OXNAD1: variants seen among roughly 807,000 people sequenced by gnomAD.
The protein encoded by OXNAD1 is oxidoreductase NAD binding domain containing 1, also known as oxidoreductase NAD-binding domain-containing protein 1.
Under a neutral mutation model 32.9 loss-of-function variants are expected in OXNAD1, and 34 were observed. The observed-to-expected ratio is 1.03, with a 90% CI of 0.79 to 1.38. The LOEUF (loss-of-function observed/expected upper bound fraction) is 1.38, where lower values mean the gene tolerates loss of function less well. Ranked by LOEUF, OXNAD1 falls within the 40% of genes most tolerant of loss-of-function variation. The pLI, the probability that OXNAD1 is intolerant of heterozygous loss-of-function variation, is 0.00. For missense variants in OXNAD1, 407 were observed against 379.4 expected, an observed-to-expected ratio of 1.07 and a Z score of -0.60; for synonymous variants, 134 against 135.2, an observed-to-expected ratio of 0.99 and a Z score of 0.06.
chr3:16,271,523 C>T lies in OXNAD1; in HGVS notation c.120-136C>T. The T allele has an allele frequency of 2.8e-6, 2 of 717,142 alleles. No homozygotes were observed. The highest frequency in any genetic ancestry group is 4.3e-6 in the Non-Finnish European group (2 of 464,942). 44.4% of individuals were successfully genotyped at this position (717,142 alleles called of 1,614,324 possible). Reference sequence around the variant, plus strand: ...CCGGCCAAAACTTTAGTTAGACGGGCAGATACTCACTGGCCATTTTATAGG... The same window carrying T: ...CCGGCCAAAACTTTAGTTAGACGGGTAGATACTCACTGGCCATTTTATAGG... On this transcript the variant is annotated intron_variant, in intron 3 of 8. Coordinates refer to ENST00000285083, the MANE Select transcript of OXNAD1 (RefSeq NM_138381.5). The surrounding 1 kb of genome is among the most constrained non-coding windows in gnomAD (Gnocchi z 4.6).
At chr3:16,296,776 CAAAAAACA>C (rs1170157434) in intron 6 of OXNAD1, among the ~76,000 whole-genome samples, 1 of 151,680 alleles carries the variant, frequency 6.6e-6, no homozygotes, top group Admixed American at 6.6e-5. Flanking sequence ...CATCTAGATG[CAAAAAACA>C]AAAAAACGAA....
At chr3:16,340,235 A>C (rs1481882667), downstream of OXNAD1, among the ~76,000 whole-genome samples, 1 of 152,244 alleles carries the variant, frequency 6.6e-6, no homozygotes, top group Non-Finnish European at 1.5e-5. Flanking sequence ...TTCTTTGGCC[A>C]ATAGTACATT....
At chr3:16,333,749 T>G (rs1472656732) in intron 9 of OXNAD1, among the ~76,000 whole-genome samples, 1 of 151,758 alleles carries the variant, frequency 6.6e-6, no homozygotes, top group African/African-American at 2.4e-5. Flanking sequence ...TTGTAAAAAT[T>G]GAAAAGAAAA....
chr3:16,341,237 A>T (rs769975650), downstream of OXNAD1, among the ~76,000 whole-genome samples: 5 of 152,254 alleles, frequency 3.3e-5, no homozygotes, highest in Non-Finnish European at 5.9e-5. The surrounding 1 kb of genome is among the most constrained non-coding windows in gnomAD (Gnocchi z 4.7). Flanking sequence ...ACTACAGAAG[A>T]CAGTTTGGCA....
intron 2 of OXNAD1, among the ~76,000 whole-genome samples, chr3:16,270,176 ATT>A (rs1037262403): frequency 6.6e-6 from 1 of 152,256 alleles, no homozygotes; most frequent in African/African-American, 2.4e-5. Context: ...AAGAAGCAAC[ATT>A]GTCACTACCA....
intron 1 of OXNAD1, 138 bp from the exon 2 acceptor site, chr3:16,268,988 G>A (rs936453751): frequency 1.8e-6 from 1 of 566,992 alleles, no homozygotes. Flanking sequence ...AATGGATGGA[G>A]AGGGGGTAAT....
chr3:16,311,011 A>AAAAAAAAAAG (rs1472119686), downstream of OXNAD1, among the ~76,000 whole-genome samples: 33 of 136,186 alleles, frequency 2.4e-4, 2 homozygotes, highest in African/African-American at 9.0e-4. Flanking sequence ...AAAAAAAAAA[A>AAAAAAAAAAG]AAATCATCTG....
rs190370355 is a variant in OXNAD1 at position 16,287,526 on chromosome 3, A to G, written c.290+1078A>G. Among the ~76,000 whole-genome samples, 3 of 152,372 alleles carry G rather than the reference A, an allele frequency of 2.0e-5. No homozygotes were observed. Among genetic ancestry groups the G allele is most frequent in the South Asian group, 2.1e-4 (1 of 4,830 alleles). On this transcript the variant is annotated intron_variant, in intron 5 of 8. Transcript: ENST00000285083. The surrounding 1 kb of genome is among the most constrained non-coding windows in gnomAD (Gnocchi z 4.8). ...GGGCGGGCAACATATTTACCCTTCA[A>G]AAATGGTTTAGCAGTCATTATATTG...
At position 16,271,093 on chromosome 3, in the gene OXNAD1, G is replaced by A; in HGVS notation, c.119+22G>A. 6.2e-7 allele frequency: 1 copy of A among 1,610,202 alleles called. No individual in the cohort carries two copies. The highest frequency in any genetic ancestry group is 1.7e-4 in the Middle Eastern group (1 of 6,042). On this transcript the variant is annotated intron_variant, in intron 3 of 8. Coordinates refer to ENST00000285083, the MANE Select transcript of OXNAD1 (RefSeq NM_138381.5). This position sits in a 1 kb window ranked among gnomAD's most constrained non-coding sequence, Gnocchi z 4.6. The stretch of plus-strand genomic sequence containing the variant: ...CCAGGTGAGTCATTAAGACTTCTGT[G>A]TCATTTGAAGTTAATTTTCAAAGAG...
At chr3:16,307,912 TCTG>T (rs1271682176), downstream of OXNAD1, among the ~76,000 whole-genome samples, 1 of 152,180 alleles carries the variant, frequency 6.6e-6, no homozygotes, top group Non-Finnish European at 1.5e-5. Context: ...CACAGTTTGT[TCTG>T]TTTTTTTAAG....
At chr3:16,330,326 A>C (rs1297062067) in intron 9 of OXNAD1, among the ~76,000 whole-genome samples, 1 of 152,264 alleles carries the variant, frequency 6.6e-6, no homozygotes, top group Non-Finnish European at 1.5e-5. Flanking sequence ...GTAAGCATCT[A>C]TCACAGCCCG....
rs79586254 is a variant in OXNAD1 at position 16,289,212 on chromosome 3, C to T, written c.290+2764C>T. ...GTTAGATCATATGTGCTGATAAGGC[C>T]CAGGGGACAGATTCCAATTCTTATC... is the stretch of plus-strand genomic sequence containing the variant. On this transcript the variant is annotated intron_variant, in intron 5 of 8. Coordinates refer to ENST00000285083, the MANE Select transcript of OXNAD1 (RefSeq NM_138381.5). The surrounding 1 kb of genome is among the most constrained non-coding windows in gnomAD (Gnocchi z 4.9). 0.015 allele frequency among the ~76,000 whole-genome samples: 2,262 copies of T among 152,120 alleles called. 61 individuals are homozygous for T. The highest frequency in any genetic ancestry group is 0.052 in the African/African-American group (2,151 of 41,490).
chr3:16,341,861 C>T, downstream of OXNAD1, among the ~76,000 whole-genome samples: 1 of 152,078 alleles, frequency 6.6e-6, no homozygotes, highest in Non-Finnish European at 1.5e-5. The surrounding 1 kb of genome is among the most constrained non-coding windows in gnomAD (Gnocchi z 4.7). Flanking sequence ...GAGTATGATA[C>T]CATTTTTGTA....
rs1194748040 is a variant in OXNAD1 at position 16,303,489 on chromosome 3, C to T, written c.866C>T (p.Thr289Ile). Reference sequence around the variant, plus strand: ...TATATTTGTGGCCCACCTCCAATGACAGACTTTTTCTCCAAGCAACTGGAA... The same window carrying T: ...TATATTTGTGGCCCACCTCCAATGATAGACTTTTTCTCCAAGCAACTGGAA... ...LFYICGPPPM[T>I]DFFSKQLENN... Residue 289 changes from threonine (T) to isoleucine (I), a missense_variant, in exon 9 of 9, where the codon ACA becomes ATA. Physicochemically the swap from Thr to Ile is moderately conservative, Grantham distance 89. Transcript: ENST00000285083. The surrounding 1 kb of genome is among the most constrained non-coding windows in gnomAD (Gnocchi z 4.8). 1.9e-6 allele frequency: 3 copies of T among 1,613,930 alleles called. No homozygotes were observed. Among genetic ancestry groups the T allele is most frequent in the East Asian group, 2.2e-5 (1 of 44,878 alleles).
In OXNAD1 at chr3:16,302,799, C is replaced by A; in HGVS notation, c.784+51C>A. ...TATCTCCATGCAGTTATTTGATGGA[C>A]ACACCAGTTGGTTGAGCGTAGATGC... On this transcript the variant is annotated intron_variant, in intron 8 of 8. Transcript: ENST00000285083. This position sits in a 1 kb window ranked among gnomAD's most constrained non-coding sequence, Gnocchi z 4.2. 1 of 1,368,642 alleles carries A rather than the reference C, an allele frequency of 7.3e-7. No individual in the cohort carries two copies. The highest frequency in any genetic ancestry group is 1.0e-6 in the Non-Finnish European group (1 of 967,362). 84.8% of individuals were successfully genotyped at this position (1,368,642 alleles called of 1,614,324 possible). A position where few individuals can be genotyped will look rare whatever the true frequency, so the allele number is the denominator to read the frequency against.
In OXNAD1 at chr3:16,346,911, C is replaced by T. The variant is rs1389426331; in HGVS notation, c.*31-2265C>T. Reference sequence around the variant, plus strand: ...TGGCATCTTTAAGCTGTTGACAAAGCTGACTCTGCAACCTCCCCACCTTGC... The same window carrying T: ...TGGCATCTTTAAGCTGTTGACAAAGTTGACTCTGCAACCTCCCCACCTTGC... On this transcript the variant is annotated intron_variant, in intron 9 of 9. Transcript: ENST00000606098. The surrounding 1 kb of genome is among the most constrained non-coding windows in gnomAD (Gnocchi z 4.4). Among the ~76,000 whole-genome samples, 2 of 152,172 alleles carry T rather than the reference C, an allele frequency of 1.3e-5. No individual in the cohort carries two copies. Among genetic ancestry groups the T allele is most frequent in the Admixed American group, 1.3e-4 (2 of 15,276 alleles).
intron 9 of OXNAD1, among the ~76,000 whole-genome samples, chr3:16,333,037 C>A (rs927660419): frequency 4.3e-4 from 65 of 152,284 alleles, no homozygotes; most frequent in African/African-American, 1.5e-3. Context: ...AGTGTTGATT[C>A]ATGAACATTG....
At chr3:16,306,630 A>G (rs1173027604), downstream of OXNAD1, among the ~76,000 whole-genome samples, 1 of 152,206 alleles carries the variant, frequency 6.6e-6, no homozygotes, top group Non-Finnish European at 1.5e-5. Flanking sequence ...CATTTGTTAA[A>G]GAAACTGACT....
rs1278713014 is a variant in OXNAD1, at chr3:16,337,193, TGA to T, written c.*117_*118del. The stretch of plus-strand genomic sequence containing the variant: ...CTGTGGCCCTGCTAAGCAGCAGACG[TGA>T]GAGATGCCATCTTGGAGCTGCTAGC... On this transcript the variant is annotated 3_prime_UTR_variant, in exon 10 of 10. Transcript: ENST00000435829. This position sits in a 1 kb window ranked among gnomAD's most constrained non-coding sequence, Gnocchi z 5.0. 6.6e-6 allele frequency: 1 copy of T among 152,164 alleles called. No homozygotes were observed. Among genetic ancestry groups the T allele is most frequent in the Non-Finnish European group, 1.5e-5 (1 of 68,058 alleles). 9.4% of individuals were successfully genotyped at this position (152,164 alleles called of 1,614,324 possible).
Sources: gnomAD v4.1 joint callset for allele counts (sites outside exome capture counted in the v4.1 genomes callset) on GRCh38, gnomAD v4.1.1 for gene constraint, Gnocchi (gnomAD v3.1) non-coding constraint, MANE v1.5 for transcripts, NCBI Gene and HGNC (gene_info 2026-07-23, HGNC 2026-07-21) for gene names.